UBE3C: variants seen among roughly 807,000 people sequenced by gnomAD.
The protein encoded by UBE3C is ubiquitin protein ligase E3C, also known as ubiquitin-protein ligase E3C.
Under a neutral mutation model 129.4 loss-of-function variants are expected in UBE3C, and 42 were observed. That is an observed-to-expected ratio of 0.32 (90% CI 0.25 to 0.42). The LOEUF is 0.42. Among genes scored for constraint, UBE3C ranks in the 10% least tolerant of loss-of-function variants. UBE3C has a pLI of 1.00. For missense variants in UBE3C, 1,049 were observed against 1,319.1 expected (o/e 0.80, Z 3.17); for synonymous variants, 510 against 492.4 (o/e 1.04, Z -0.47).
intron 19 of UBE3C, 33 bp from the exon 20 acceptor site, chr7:157,253,921 G>T: frequency 6.5e-7 from 1 of 1,537,960 alleles, no homozygotes; most frequent in East Asian, 2.3e-5. Flanking sequence ...CATACTTTGA[G>T]GATTTTGAGA....
intron 19 of UBE3C, among the ~76,000 whole-genome samples, chr7:157,249,457 A>G (rs1796566691): frequency 6.6e-6 from 1 of 151,990 alleles, no homozygotes; most frequent in Admixed American, 6.6e-5. Flanking sequence ...CTGGGATTAC[A>G]ATGCGCCACC....
At chr7:157,243,146 G>T (rs985252874) in intron 18 of UBE3C, among the ~76,000 whole-genome samples, 3 of 152,164 alleles carry the variant, frequency 2.0e-5, no homozygotes, top group African/African-American at 7.2e-5. Context: ...AATAGGACAG[G>T]AGATGTGCAC....
At chr7:157,151,362 G>A (rs1807752794) in intron 1 of UBE3C, among the ~76,000 whole-genome samples, 1 of 152,198 alleles carries the variant, frequency 6.6e-6, no homozygotes, top group African/African-American at 2.4e-5. Flanking sequence ...TAAAAAGCAA[G>A]CATTGTCAAC....
chr7:157,162,118 T>A (rs1164261539), intron 1 of UBE3C, among the ~76,000 whole-genome samples: 1 of 152,170 alleles, frequency 6.6e-6, no homozygotes, highest in Admixed American at 6.5e-5. Context: ...TGTTAGTTCA[T>A]GTATCAGTGT....
chr7:157,219,901 T>TAA (rs60291484), intron 14 of UBE3C, among the ~76,000 whole-genome samples: 45 of 137,750 alleles, frequency 3.3e-4, no homozygotes, highest in Non-Finnish European at 6.2e-4. Flanking sequence ...AGACTCCATC[T>TAA]AAAAAAAAAA....
At chr7:157,171,686 ATT>A (rs77471740) in intron 4 of UBE3C, among the ~76,000 whole-genome samples, 28 of 37,490 alleles carry the variant, frequency 7.5e-4, no homozygotes, top group East Asian at 6.8e-3. Context: ...ATATATATAT[ATT>A]TTTTTTTTTT....
chr7:157,193,944 A>G (rs948124107), intron 10 of UBE3C, among the ~76,000 whole-genome samples: 4 of 152,202 alleles, frequency 2.6e-5, no homozygotes, highest in African/African-American at 4.8e-5. Context: ...TTGGAAGACT[A>G]TTATTTACAA....
At chr7:157,206,231 T>G (rs891389293) in intron 11 of UBE3C, among the ~76,000 whole-genome samples, 4 of 152,158 alleles carry the variant, frequency 2.6e-5, no homozygotes, top group African/African-American at 9.7e-5. Context: ...CTAGGTGAAA[T>G]AAGTCAATTT....
intron 22 of UBE3C, among the ~76,000 whole-genome samples, chr7:157,261,306 GAAAAAAAAAAAAAAAAAAAA>G (rs57114090): frequency 3.8e-5 from 3 of 78,024 alleles, no homozygotes; most frequent in Admixed American, 3.4e-4. Context: ...AACTCTGTCT[GAAAAAAAAAAAAAAAAAAAA>G]AAAAAAAAAA....
rs150947851 is a variant in UBE3C at position 157,186,243 on chromosome 7, G to T, written c.1144-591G>T. On this transcript the variant is annotated intron_variant, in intron 9 of 22. Transcript: ENST00000348165. ...GTTCGAGACCAGCCTGACCAACATG[G>T]TGAAACCCTGTCTCTACTAAAAATA... 8.3e-4 allele frequency among the ~76,000 whole-genome samples: 127 copies of T among 152,150 alleles called. 1 individual carries two copies. Among genetic ancestry groups the T allele is most frequent in the African/African-American group, 3.0e-3 (125 of 41,480 alleles).
At chr7:157,163,143 T>C (rs1586654350) in intron 1 of UBE3C, among the ~76,000 whole-genome samples, 2 of 152,008 alleles carry the variant, frequency 1.3e-5, no homozygotes, top group South Asian at 4.2e-4. Context: ...CCCAGCACTT[T>C]GGGAGGCCGA....
chr7:157,232,643 C>T (rs1354847244), intron 18 of UBE3C, among the ~76,000 whole-genome samples: 2 of 152,194 alleles, frequency 1.3e-5, no homozygotes, highest in Admixed American at 1.3e-4. Flanking sequence ...TGAGCCACTG[C>T]ACCTGGCCTG....
chr7:157,247,597 C>T (rs1289257067), intron 18 of UBE3C, among the ~76,000 whole-genome samples: 2 of 152,072 alleles, frequency 1.3e-5, no homozygotes, highest in African/African-American at 4.8e-5. Context: ...GAGGCTGAGG[C>T]AGGAGAATCG....
chr7:157,211,380 T>C (rs1358550463), intron 13 of UBE3C, among the ~76,000 whole-genome samples: 1 of 152,236 alleles, frequency 6.6e-6, no homozygotes, highest in East Asian at 1.9e-4. Flanking sequence ...TATCCTTTTC[T>C]GTTATTGAAG....
intron 1 of UBE3C, among the ~76,000 whole-genome samples, chr7:157,143,005 T>A (rs1331569247): frequency 6.6e-6 from 1 of 151,964 alleles, no homozygotes; most frequent in Non-Finnish European, 1.5e-5. Flanking sequence ...GTAGCTGGGA[T>A]TACAGGCCTG....
intron 10 of UBE3C, among the ~76,000 whole-genome samples, chr7:157,201,426 T>A (rs1180483033): frequency 6.7e-6 from 1 of 148,770 alleles, no homozygotes; most frequent in African/African-American, 2.5e-5. Context: ...GTTCAACTTG[T>A]GCATGAAAAC....
At chr7:157,204,364 C>G (rs991314199) in intron 11 of UBE3C, among the ~76,000 whole-genome samples, 1 of 142,398 alleles carries the variant, frequency 7.0e-6, no homozygotes, top group Admixed American at 7.7e-5. Flanking sequence ...CGCCATTGCA[C>G]TCCAGCCTGG....
chr7:157,235,022 T>C (rs921015935), intron 18 of UBE3C, among the ~76,000 whole-genome samples: 87 of 152,168 alleles, frequency 5.7e-4, no homozygotes, highest in African/African-American at 1.9e-3. Flanking sequence ...AGAAACCCCG[T>C]CTCTACTAAA....
At chr7:157,191,920 G>A (rs1333435244) in intron 10 of UBE3C, among the ~76,000 whole-genome samples, 1 of 151,994 alleles carries the variant, frequency 6.6e-6, no homozygotes, top group East Asian at 1.9e-4. Context: ...TATTATCAGT[G>A]ATATTTTCAT....
Sources: gnomAD v4.1 joint callset for allele counts (sites outside exome capture counted in the v4.1 genomes callset) on GRCh38, gnomAD v4.1.1 for gene constraint, MANE v1.5 for transcripts, NCBI Gene and HGNC (gene_info 2026-07-23, HGNC 2026-07-21) for gene names.